KY: variants seen among roughly 807,000 people sequenced by gnomAD.
KY encodes the protein kyphoscoliosis peptidase.
A neutral mutation model predicts 76.1 loss-of-function variants in KY; 43 were observed. That is an observed-to-expected ratio of 0.57 (90% CI 0.44 to 0.73). KY has a LOEUF of 0.73. Among genes scored for constraint, KY ranks in the 30% least tolerant of loss-of-function variants. The pLI is 0.00. For missense variants in KY, 722 were observed against 828.9 expected (o/e 0.87, Z 1.58); for synonymous variants, 277 against 326.2 (o/e 0.85, Z 1.63).
At chr3:134,624,341 C>T (rs1040198547) in intron 6 of KY, among the ~76,000 whole-genome samples, 2 of 152,234 alleles carry the variant, frequency 1.3e-5, no homozygotes, top group African/African-American at 4.8e-5. Flanking sequence ...CTTTGCTTCT[C>T]ATCTGGCTTT....
chr3:134,614,718 T>C (rs1372190543), intron 8 of KY, among the ~76,000 whole-genome samples: 3 of 152,206 alleles, frequency 2.0e-5, no homozygotes, highest in Non-Finnish European at 4.4e-5. Flanking sequence ...TCCTAGTGTA[T>C]TAATTTGGTA....
In KY at chr3:134,625,068, A is replaced by G. The variant is rs1560121121; in HGVS notation, c.468T>C (p.Asp156=). ...SLDLQQFEKL[D]IYASQVTAKS... ...GCTGTCCTACCTGTGAGGCGTAGAT[A>G]TCCAATTTCTCAAACTGCTGCAGGT... Residue 156 remains aspartate, a synonymous_variant, in exon 6 of 11, where the codon GAT becomes GAC. Transcript: ENST00000423778. 6.3e-7 allele frequency: 1 copy of G among 1,599,514 alleles called. No homozygotes were observed.
At chr3:134,616,412 C>A (rs566029309) in intron 8 of KY, among the ~76,000 whole-genome samples, 1 of 152,012 alleles carries the variant, frequency 6.6e-6, no homozygotes, top group South Asian at 2.1e-4. Context: ...TCAGCAAGTG[C>A]GGATTATATG....
chr3:134,604,133 C>G lies in KY; in HGVS notation c.1432G>C (p.Gly478Arg), dbSNP rs780346117. 1 of 1,607,934 alleles carries G rather than the reference C, an allele frequency of 6.2e-7. No homozygotes were observed. Among genetic ancestry groups the G allele is most frequent in the African/African-American group, 1.3e-5 (1 of 74,930 alleles). Residue 478 changes from glycine to arginine, a missense_variant, in exon 11 of 11, where the codon GGG (glycine) becomes CGG (arginine). Gly to Arg is a moderately radical substitution (Grantham distance 125). Coordinates refer to ENST00000423778, the MANE Select transcript of KY (RefSeq NM_178554.6). ...HPDPIIHTSD[G>R]RCSISFSVEE... ...ACGCTGAAGCTGATGGAGCAGCGCCCGTCGCTGGTGTGGATGATAGGGTCA... is the reference window on the plus strand; with the variant it reads ...ACGCTGAAGCTGATGGAGCAGCGCCGGTCGCTGGTGTGGATGATAGGGTCA...
In KY at chr3:134,603,987, C is replaced by A. The variant is rs1959082231; in HGVS notation, c.1578G>T (p.Gln526His). ...HREKQTELKV[Q>H]LPHAGKFALK... The stretch of plus-strand genomic sequence containing the variant: ...GGGCAAACTTGCCTGCATGGGGCAG[C>A]TGGACTTTCAGCTCGGTCTGCTTCT... The change falls in exon 11 of 11, where the codon CAG (glutamine) becomes CAT (histidine). Residue 526 changes from glutamine to histidine, a missense_variant. This residue lies in a region of KY where 552 missense variants were observed against 680.9 expected (regional missense o/e 0.81). Transcript: ENST00000423778. The A allele has an allele frequency of 6.2e-7, 1 of 1,613,728 alleles. No homozygotes were observed. Among genetic ancestry groups the A allele is most frequent in the African/African-American group, 1.3e-5 (1 of 74,938 alleles).
At chr3:134,627,723 T>C (rs762162329) in intron 5 of KY, 33 bp downstream of exon 5, 98 of 1,602,044 alleles carry the variant, frequency 6.1e-5, no homozygotes, top group Non-Finnish European at 1.7e-5. Context: ...ATGTGCTCTC[T>C]TGAGAATTGT....
chr3:134,635,826 T>C (rs1207262881), intron 3 of KY, among the ~76,000 whole-genome samples: 5 of 152,162 alleles, frequency 3.3e-5, no homozygotes, highest in Admixed American at 1.3e-4. Context: ...CAGAACGATA[T>C]AAAGCAGAAA....
At chr3:134,612,269 C>T (rs1373708559) in intron 8 of KY, among the ~76,000 whole-genome samples, 1 of 152,202 alleles carries the variant, frequency 6.6e-6, no homozygotes, top group African/African-American at 2.4e-5. Flanking sequence ...TGGGGACAGA[C>T]TGCAAGAGAA....
intron 3 of KY, among the ~76,000 whole-genome samples, chr3:134,637,710 A>G (rs1459764387): frequency 1.3e-5 from 2 of 152,220 alleles, no homozygotes; most frequent in African/African-American, 4.8e-5. Flanking sequence ...GCCACTTCCA[A>G]TAAGTCACAG....
chr3:134,605,222 A>T (rs1959170228), intron 10 of KY, among the ~76,000 whole-genome samples: 1 of 152,108 alleles, frequency 6.6e-6, no homozygotes, highest in Non-Finnish European at 1.5e-5. Flanking sequence ...GTAGCCCATG[A>T]GGACCCACCT....
chr3:134,626,010 T>C (rs1963392199), intron 5 of KY, among the ~76,000 whole-genome samples: 1 of 152,198 alleles, frequency 6.6e-6, no homozygotes, highest in South Asian at 2.1e-4. Context: ...TGGCCAATGG[T>C]TAGACCAACA....
At chr3:134,616,836 T>C (rs1961653418) in intron 8 of KY, among the ~76,000 whole-genome samples, 1 of 152,014 alleles carries the variant, frequency 6.6e-6, no homozygotes, top group South Asian at 2.1e-4. Context: ...AAAGACAAGA[T>C]AGGTCAAAAA....
chr3:134,615,268 G>C (rs1368372119), intron 8 of KY: 1 of 152,314 alleles, frequency 6.6e-6, no homozygotes, highest in Non-Finnish European at 1.5e-5. Flanking sequence ...AGAGAGAGAG[G>C]CTGCCTTGCC....
In KY at chr3:134,617,260, T is replaced by C. The variant is rs537201963; in HGVS notation, c.710+1888A>G. ...GTAAAATCAGAGGAAAATAATCATG[T>C]TCTGAAAGATGCTAGGCACAAATGG... is the stretch of plus-strand genomic sequence containing the variant. On this transcript the variant is annotated intron_variant, in intron 8 of 10. Coordinates refer to ENST00000423778, the MANE Select transcript of KY (RefSeq NM_178554.6). 2.6e-5 allele frequency among the ~76,000 whole-genome samples: 4 copies of C among 152,342 alleles called. No individual in the cohort carries two copies. In the South Asian group the frequency reaches 8.3e-4, roughly 32 times the overall value.
intron 1 of KY, among the ~76,000 whole-genome samples, chr3:134,649,770 G>A (rs1560150688): frequency 6.6e-6 from 1 of 152,222 alleles, no homozygotes; most frequent in African/African-American, 2.4e-5. Context: ...TAGTGGCAAG[G>A]CCATCCACAG....
Position 134,604,355 on chromosome 3 carries a change from C to G in KY, c.1210G>C (p.Val404Leu). The G allele has an allele frequency of 6.2e-7, 1 of 1,613,996 alleles. No individual in the cohort carries two copies. Among genetic ancestry groups the G allele is most frequent in the Non-Finnish European group, 8.5e-7 (1 of 1,179,902 alleles). Residue 404 changes from valine (V) to leucine (L), a missense_variant, in exon 11 of 11, where the codon GTG becomes CTG. Coordinates refer to ENST00000423778, the MANE Select transcript of KY (RefSeq NM_178554.6). ...TGAGTGCCCATGGTTGGAGGGTACA[C>G]CTCCAACTTCATCCCATTCTTCCTT... ...SLRKNGMKLEVYPPTMGTHKL... is the reference protein window; with the variant it reads ...SLRKNGMKLELYPPTMGTHKL...
chr3:134,611,867 T>C (rs1880378), intron 8 of KY, among the ~76,000 whole-genome samples: 95,497 of 152,162 alleles, frequency 0.63, 30,433 homozygotes, highest in East Asian at 0.87. Context: ...CTATAGGAAT[T>C]GGGGGAATCT....
rs549930712 is a variant in KY at position 134,602,993 on chromosome 3, G to T, written c.*586C>A. The T allele has an allele frequency of 5.9e-5, 9 of 152,320 alleles. No individual in the cohort carries two copies. The highest frequency in any genetic ancestry group is 1.9e-4 in the African/African-American group (8 of 41,560). The allele number at this position is 152,320 out of a possible 1,614,324, so 9.4% of individuals were successfully genotyped here. A position where few individuals can be genotyped will look rare whatever the true frequency, so the allele number is the denominator to read the frequency against. On this transcript the variant is annotated 3_prime_UTR_variant, in exon 11 of 11. Transcript: ENST00000423778. ...CTTCCTCACCACACCCTTTTTCTTG[G>T]GCTCTTGAAGAACAAGAAGTAGCTA...
intron 6 of KY, among the ~76,000 whole-genome samples, chr3:134,624,360 A>G (rs905448973): frequency 6.6e-6 from 1 of 152,188 alleles, no homozygotes; most frequent in Non-Finnish European, 1.5e-5. Flanking sequence ...TTCTTGATCC[A>G]TGCACTCACC....
Sources: allele counts gnomAD v4.1 joint callset (sites outside exome capture counted in the v4.1 genomes callset), GRCh38; gene constraint gnomAD v4.1.1; regional missense constraint gnomAD v4.1.1; transcripts MANE v1.5; gene names NCBI Gene and HGNC (gene_info 2026-07-23, HGNC 2026-07-21).